The following AIMP2 variants were observed in gnomAD, a reference collection of about 807,000 sequenced individuals.
AIMP2 encodes aminoacyl tRNA synthetase complex interacting multifunctional protein 2.
A neutral mutation model predicts 23.4 loss-of-function variants in AIMP2; 20 were observed. The ratio of observed to expected loss-of-function variants is 0.85; its 90% confidence interval spans 0.60 to 1.24. The LOEUF is 1.24. AIMP2 is among the 50% of genes most tolerant of loss of function. AIMP2 has a pLI of 0.00. For synonymous variants in AIMP2, 210 were observed against 170.4 expected, an observed-to-expected ratio of 1.23 and a Z score of -1.81; for missense variants, 515 against 414.5, an observed-to-expected ratio of 1.24 and a Z score of -2.10.
intron 2 of AIMP2, 147 bp from the exon 3 acceptor site, chr7:6,017,666 TG>T: frequency 1.5e-6 from 1 of 669,666 alleles, no homozygotes; most frequent in Non-Finnish European, 2.5e-6. Flanking sequence ...GATAAGTTAC[TG>T]GCTGCAACGT....
intron 3 of AIMP2, 101 bp downstream of exon 3, chr7:6,018,146 CT>C (rs371698854): frequency 0.074 from 42,825 of 580,546 alleles, 88 homozygotes; most frequent in African/African-American, 0.1. Context: ...TTTTCTTTTT[CT>C]TTTTTTTTTT....
At chr7:6,012,193 C>T (rs147250600) in intron 1 of AIMP2, among the ~76,000 whole-genome samples, 4 of 150,496 alleles carry the variant, frequency 2.7e-5, no homozygotes, top group African/African-American at 9.8e-5. Context: ...GTCAGGGCTG[C>T]ATTGAGCTGT....
rs1431221728 is a variant in AIMP2 at position 6,017,877 on chromosome 7, C to G, written c.406C>G (p.Leu136Val). Reference protein sequence around the residue: ...ANPASPPLSLLVLHRLLCEHF... With the variant: ...ANPASPPLSLVVLHRLLCEHF... ...CCCGGCCTCCCCTCCCCTCTCCCTG[C>G]TTGTGCTGCACAGGCTGCTCTGTGA... Residue 136 changes from leucine to valine, a missense_variant, in exon 3 of 4, where the codon CTT (leucine) becomes GTT (valine). Coordinates refer to ENST00000223029, the MANE Select transcript of AIMP2 (RefSeq NM_006303.4). 4 of 1,613,996 alleles carry G rather than the reference C, an allele frequency of 2.5e-6. No individual in the cohort carries two copies. The highest frequency in any genetic ancestry group is 3.4e-6 in the Non-Finnish European group (4 of 1,180,046).
intron 2 of AIMP2, among the ~76,000 whole-genome samples, chr7:6,015,747 C>G (rs923567644): frequency 6.6e-6 from 1 of 152,198 alleles, no homozygotes; most frequent in African/African-American, 2.4e-5. Context: ...AACTAGCTTT[C>G]TGGTTTTCAA....
In AIMP2 at chr7:6,017,696, G is replaced by A. The variant is rs571767631; in HGVS notation, c.343-118G>A. The stretch of plus-strand genomic sequence containing the variant: ...GCAACGTGGAGATGACGCTAGTGCC[G>A]TCTTCATGGAAGTGGCGGAGTCGGT... On this transcript the variant is annotated intron_variant, in intron 2 of 3. Coordinates refer to ENST00000223029, the MANE Select transcript of AIMP2 (RefSeq NM_006303.4). The A allele has an allele frequency of 6.5e-5, 54 of 832,496 alleles. No homozygotes were observed. The East Asian group carries it at 9.9e-4, about 15-fold the overall frequency. 51.6% of individuals were successfully genotyped at this position (832,496 alleles called of 1,614,324 possible). A position where few individuals can be genotyped will look rare whatever the true frequency, so the allele number is the denominator to read the frequency against.
intron 1 of AIMP2, among the ~76,000 whole-genome samples, chr7:6,010,158 C>T (rs1786535293): frequency 6.6e-6 from 1 of 150,728 alleles, no homozygotes; most frequent in Non-Finnish European, 1.5e-5. Flanking sequence ...AAATACAAAT[C>T]TGTCCATATT....
chr7:6,020,238 T>C (rs1787295575), intron 3 of AIMP2, among the ~76,000 whole-genome samples: 1 of 151,920 alleles, frequency 6.6e-6, no homozygotes, highest in South Asian at 2.1e-4. Context: ...CTGACCAATA[T>C]GGCGAAACCC....
rs117793161 is a variant in AIMP2, at chr7:6,020,382, C to T, written c.574+2337C>T. 5.6e-3 allele frequency among the ~76,000 whole-genome samples: 848 copies of T among 152,204 alleles called. 8 individuals carry two copies. The highest frequency in any genetic ancestry group is 7.4e-3 in the Non-Finnish European group (502 of 68,016). The stretch of plus-strand genomic sequence containing the variant: ...GTTGCCGTGAGCCGAGATCACACCA[C>T]TATACTCCAGCCTGGGCTACAGAGC... On this transcript the variant is annotated intron_variant, in intron 3 of 3. Coordinates refer to ENST00000223029, the MANE Select transcript of AIMP2 (RefSeq NM_006303.4).
chr7:6,023,185 A>C (rs1055912499), intron 3 of AIMP2, 118 bp from the exon 4 acceptor site: 2 of 1,236,572 alleles, frequency 1.6e-6, no homozygotes, highest in Non-Finnish European at 2.2e-6. Flanking sequence ...TCTTCTTGAA[A>C]ACACCCTTTC....
At chr7:6,019,527 A>G (rs1787249342) in intron 3 of AIMP2, among the ~76,000 whole-genome samples, 2 of 149,828 alleles carry the variant, frequency 1.3e-5, no homozygotes, top group South Asian at 2.1e-4. Context: ...GTTCTTGGCT[A>G]TTTTTCCATC....
intron 1 of AIMP2, chr7:6,013,100 C>A: frequency 2.0e-6 from 1 of 510,030 alleles, no homozygotes; most frequent in African/African-American, 2.1e-5. Context: ...ACTCCTCGGA[C>A]AGTGTGGCTA....
Position 6,019,909 on chromosome 7 carries a change from C to A in AIMP2, c.574+1864C>A, listed in dbSNP as rs2128880588. ...TGGTGGTGCGTGCCTGTAGTCCCAG[C>A]TACTTGGAAGCCTGAGGCAGGAAAA... On this transcript the variant is annotated intron_variant, in intron 3 of 3. Transcript: ENST00000223029. Among the ~76,000 whole-genome samples, 4 of 151,418 alleles carry A rather than the reference C, an allele frequency of 2.6e-5. No homozygotes were observed. The South Asian group carries it at 8.3e-4, about 31-fold the overall frequency.
chr7:6,015,078 G>C, intron 1 of AIMP2, 68 bp from the exon 2 acceptor site: 2 of 1,607,336 alleles, frequency 1.2e-6, no homozygotes, highest in Non-Finnish European at 1.7e-6. Context: ...AGTAAGACAA[G>C]TGATCAAATT....
In AIMP2 at chr7:6,009,974, A is replaced by AAAAATATACATATATATAT; in HGVS notation, c.135+477_135+478insAAATATACATATATATATA. 2.5e-3 allele frequency among the ~76,000 whole-genome samples: 66 copies of AAAAATATACATATATATAT among 26,672 alleles called. 3 individuals are homozygous for AAAAATATACATATATATAT. Among genetic ancestry groups the AAAAATATACATATATATAT allele is most frequent in the African/African-American group, 9.1e-3 (65 of 7,144 alleles). 17.5% of individuals were successfully genotyped at this position (26,672 alleles called of 152,430 possible). A position where few individuals can be genotyped will look rare whatever the true frequency, so the allele number is the denominator to read the frequency against. ...CAAAAAAAAAAAAAAAAAAAAAAAA[A>AAAAATATACATATATATAT]ATATATATATATATATATGTATGTA... is the stretch of plus-strand genomic sequence containing the variant. On this transcript the variant is annotated intron_variant, in intron 1 of 3. Coordinates refer to ENST00000223029, the MANE Select transcript of AIMP2 (RefSeq NM_006303.4).
At chr7:6,021,874 A>G (rs931260680) in intron 3 of AIMP2, among the ~76,000 whole-genome samples, 1 of 152,146 alleles carries the variant, frequency 6.6e-6, no homozygotes, top group Non-Finnish European at 1.5e-5. Context: ...GAGAAATCAA[A>G]AGGCAAAAAG....
chr7:6,022,922 T>C (rs563277071), intron 3 of AIMP2: 1 of 201,336 alleles, frequency 5.0e-6, no homozygotes, highest in East Asian at 1.3e-4. Context: ...CATTCATATC[T>C]TAATTGCCCT....
chr7:6,009,519 G>A (rs778977026), intron 1 of AIMP2, 21 bp downstream of exon 1: 3 of 1,452,956 alleles, frequency 2.1e-6, no homozygotes, highest in Admixed American at 3.0e-5. Context: ...GGGGCCCCCC[G>A]CCCAGTGCGC....
Position 6,017,857 on chromosome 7 carries a change from C to T in AIMP2, c.386C>T (p.Ala129Val), listed in dbSNP as rs17855441. 2 of 1,614,078 alleles carry T rather than the reference C, an allele frequency of 1.2e-6. No homozygotes were observed. Among genetic ancestry groups the T allele is most frequent in the Non-Finnish European group, 1.7e-6 (2 of 1,180,016 alleles). The part of the protein sequence containing the change: ...LKDIVINANP[A>V]SPPLSLLVLH... ...GACATCGTGATCAACGCAAACCCGG[C>T]CTCCCCTCCCCTCTCCCTGCTTGTG... The change falls in exon 3 of 4, where the codon GCC (alanine) becomes GTC (valine). Residue 129 changes from alanine (A) to valine (V), a missense_variant. Transcript: ENST00000223029.
At chr7:6,012,790 G>A (rs558590158) in intron 1 of AIMP2, 1 of 1,012,028 alleles carries the variant, frequency 9.9e-7, no homozygotes, top group Admixed American at 4.3e-5. Context: ...GACCTCAAGT[G>A]ATCCACCCGC....
Sources: allele counts gnomAD v4.1 joint callset (sites outside exome capture counted in the v4.1 genomes callset), GRCh38; gene constraint gnomAD v4.1.1; transcripts MANE v1.5; gene names NCBI Gene and HGNC (gene_info 2026-07-23, HGNC 2026-07-21).